Variants in DHCR7 observed in about 807,000 individuals in gnomAD.
DHCR7 encodes the protein 7-dehydrocholesterol reductase.
DHCR7 carries 40 observed loss-of-function variants against 43.3 expected under a neutral mutation model. That is an observed-to-expected ratio of 0.92 (90% confidence interval 0.72 to 1.20). The LOEUF (loss-of-function observed/expected upper bound fraction) is 1.20. DHCR7 is among the 50% of genes most tolerant of loss of function. DHCR7 has a pLI of 0.00. For synonymous variants in DHCR7, 298 were observed against 271.4 expected (o/e 1.10, Z -0.96); for missense variants, 608 against 644.6 (o/e 0.94, Z 0.62).
At chr11:71,442,242 G>A in intron 5 of DHCR7, 21 bp downstream of exon 5, 1 of 1,580,892 alleles carries the variant, frequency 6.3e-7, no homozygotes, top group Non-Finnish European at 8.7e-7. Flanking sequence ...AGCCTGGGGA[G>A]GGTGGAAGGG....
rs1127869 is a variant in DHCR7 at position 71,444,939 on chromosome 11, G to A, written c.14C>T (p.Ser5Leu). Reference protein sequence around the residue: MAAKSQPNIPKAKSL... With the variant: MAAKLQPNIPKAKSL... ...CTTGGCTTTGGGAATGTTGGGTTGC[G>A]ATTTTGCAGCCATTGGGCCCTGCAA... The change falls in exon 3 of 9, where the codon TCG becomes TTG. Residue 5 changes from serine (S) to leucine (L), a missense_variant. By Grantham distance (145) the Ser-to-Leu change is moderately radical. Coordinates refer to ENST00000355527, the MANE Select transcript of DHCR7 (RefSeq NM_001360.3). The A allele has an allele frequency of 2.2e-5, 35 of 1,614,164 alleles. No homozygotes were observed. The highest frequency in any genetic ancestry group is 1.7e-4 in the Middle Eastern group (1 of 6,060).
chr11:71,432,991 A>G (rs1428703377), downstream of DHCR7, among the ~76,000 whole-genome samples: 2 of 152,200 alleles, frequency 1.3e-5, no homozygotes, highest in African/African-American at 4.8e-5. Context: ...GGTGGGGTGT[A>G]TCAGGATTGA....
At chr11:71,433,479 C>T (rs564600386), downstream of DHCR7, among the ~76,000 whole-genome samples, 1 of 152,258 alleles carries the variant, frequency 6.6e-6, no homozygotes, top group African/African-American at 2.4e-5. Flanking sequence ...AAGCTAACCT[C>T]AGCCAATTCA....
intron 7 of DHCR7, 137 bp from the exon 8 acceptor site, chr11:71,438,080 T>A: frequency 9.6e-7 from 1 of 1,045,738 alleles, no homozygotes; most frequent in East Asian, 2.5e-5. Flanking sequence ...CTGGGGCTGT[T>A]CCTTCCCTGC....
At chr11:71,445,938 T>G (rs896969471) in intron 2 of DHCR7, among the ~76,000 whole-genome samples, 1 of 152,122 alleles carries the variant, frequency 6.6e-6, no homozygotes, top group Admixed American at 6.6e-5. Context: ...TGAGGAAAAC[T>G]TTTTGCAACC....
At position 71,440,996 on chromosome 11, in the gene DHCR7, G is replaced by A. The variant is rs572749268; in HGVS notation, c.626+231C>T. On this transcript the variant is annotated intron_variant, in intron 6 of 8. Coordinates refer to ENST00000355527, the MANE Select transcript of DHCR7 (RefSeq NM_001360.3). The stretch of plus-strand genomic sequence containing the variant: ...CGCCAGCCCTAAAGGCAATGACTTG[G>A]CCACCACAGCTGACCTGGCCATCTT... Among the ~76,000 whole-genome samples the A allele has an allele frequency of 3.3e-5, 5 of 152,276 alleles. No homozygotes were observed. In the South Asian group the frequency reaches 1.0e-3, roughly 32 times the overall value.
At chr11:71,446,050 C>T (rs533419551) in intron 2 of DHCR7, among the ~76,000 whole-genome samples, 5 of 152,148 alleles carry the variant, frequency 3.3e-5, no homozygotes, top group African/African-American at 1.2e-4. Flanking sequence ...CACAAAAGGG[C>T]AGGGGCAAGT....
chr11:71,445,519 A>G (rs1463846394), intron 2 of DHCR7, among the ~76,000 whole-genome samples: 1 of 152,158 alleles, frequency 6.6e-6, no homozygotes, highest in Non-Finnish European at 1.5e-5. Flanking sequence ...AACTCTCCCC[A>G]TCGCCTAGAA....
At chr11:71,439,714 C>T (rs1233439866) in intron 6 of DHCR7, among the ~76,000 whole-genome samples, 6 of 152,194 alleles carry the variant, frequency 3.9e-5, no homozygotes, top group African/African-American at 9.7e-5. Flanking sequence ...TGAGGACACA[C>T]AACAATTTCT....
downstream of DHCR7, among the ~76,000 whole-genome samples, chr11:71,431,047 C>T (rs1340158823): frequency 3.3e-5 from 5 of 152,114 alleles, no homozygotes; most frequent in African/African-American, 2.4e-5. Flanking sequence ...CCCAGCTACT[C>T]GGGAGGCTGA....
At position 71,435,517 on chromosome 11, in the gene DHCR7, G is replaced by C. The variant is rs1449741699; in HGVS notation, c.1286C>G (p.Pro429Arg). The change falls in exon 9 of 9, where the codon CCC becomes CGC. Residue 429 changes from proline to arginine, a missense_variant. Coordinates refer to ENST00000355527, the MANE Select transcript of DHCR7 (RefSeq NM_001360.3). Reference protein sequence around the residue: ...CLACGGGHLLPYFYIIYMAIL... With the variant: ...CLACGGGHLLRYFYIIYMAIL... ...GGCCATGTAGATGATGTAGAAGTAG[G>C]GCAGCAGGTGGCCGCCGCCACAGGC... is the stretch of plus-strand genomic sequence containing the variant. 6.2e-7 allele frequency: 1 copy of C among 1,611,330 alleles called. No individual in the cohort carries two copies. The highest frequency in any genetic ancestry group is 8.5e-7 in the Non-Finnish European group (1 of 1,179,670).
chr11:71,446,300 C>A (rs1352690731), intron 2 of DHCR7, among the ~76,000 whole-genome samples: 1 of 142,666 alleles, frequency 7.0e-6, no homozygotes. Flanking sequence ...ACTGTTAACT[C>A]CAGGAAAAAT....
chr11:71,429,414 G>A (rs183368428), downstream of DHCR7, among the ~76,000 whole-genome samples: 10 of 152,180 alleles, frequency 6.6e-5, no homozygotes, highest in Admixed American at 2.0e-4. Context: ...GACTGTGGGC[G>A]GGGGCAGGAG....
rs141246577 is a variant in DHCR7 at position 71,438,820 on chromosome 11, C to T, written c.831+59G>A. 1,073 of 1,558,350 alleles carry T rather than the reference C, an allele frequency of 6.9e-4. 2 individuals carry two copies. In the African/African-American group the frequency reaches 0.01, roughly 15 times the overall value. On this transcript the variant is annotated intron_variant, in intron 7 of 8. Transcript: ENST00000355527. ...GGTCATGGGAATACGCTCTGGCTTG[C>T]GGGTTCCCCCAGAGCCTGCCGGCAT... is the stretch of plus-strand genomic sequence containing the variant.
Position 71,434,813 on chromosome 11 carries a change from C to A in DHCR7, c.*562G>T. 3.2e-6 allele frequency: 1 copy of A among 314,794 alleles called. No individual in the cohort carries two copies. Among genetic ancestry groups the A allele is most frequent in the South Asian group, 2.7e-5 (1 of 37,344 alleles). The allele number at this position is 314,794 out of a possible 1,614,324, so 19.5% of individuals were successfully genotyped here. A position where few individuals can be genotyped will look rare whatever the true frequency, so the allele number is the denominator to read the frequency against. On this transcript the variant is annotated 3_prime_UTR_variant, in exon 9 of 9. Coordinates refer to ENST00000355527, the MANE Select transcript of DHCR7 (RefSeq NM_001360.3). The stretch of plus-strand genomic sequence containing the variant: ...TGCAGCAGGAGCAGGAAGGAAACGA[C>A]ATGAAAGCCCCTTTCTCCCCAGTGT...
rs1949388860 is a variant in DHCR7, at chr11:71,444,810, G to A, written c.98+45C>T. On this transcript the variant is annotated intron_variant, in intron 3 of 8. Transcript: ENST00000355527. ...AATTCCAAAGGCTGGAAAGCTCTGA[G>A]ACCACACTTTACTTTCTAGCTGGGA... The A allele has an allele frequency of 2.6e-6, 4 of 1,548,490 alleles. No homozygotes were observed. The South Asian group carries it at 4.5e-5, about 17-fold the overall frequency.
chr11:71,447,539 G>GTT (rs1949417885), intron 2 of DHCR7, 71 bp downstream of exon 2: 1 of 152,222 alleles, frequency 6.6e-6, no homozygotes, highest in South Asian at 2.1e-4. Context: ...TGGTGGACCA[G>GTT]TCTGTCTGTA....
intron 8 of DHCR7, chr11:71,436,047 CTGTGTGTGTATG>C: frequency 3.3e-6 from 2 of 613,288 alleles, no homozygotes; most frequent in South Asian, 1.9e-5. Flanking sequence ...TTCTACCTGT[CTGTGTGTGTATG>C]TGTGTGTGTA....
At chr11:71,436,392 C>A (rs1242681251) in intron 8 of DHCR7, among the ~76,000 whole-genome samples, 1 of 152,232 alleles carries the variant, frequency 6.6e-6, no homozygotes, top group Non-Finnish European at 1.5e-5. Flanking sequence ...TGGCCATGCA[C>A]AGTGGCTCAC....
Sources: allele counts gnomAD v4.1 joint callset (sites outside exome capture counted in the v4.1 genomes callset), GRCh38; gene constraint gnomAD v4.1.1; transcripts MANE v1.5; gene names NCBI Gene and HGNC (gene_info 2026-07-23, HGNC 2026-07-21).